The following IL1RAPL2 variants were observed in gnomAD, a reference collection of about 807,000 sequenced individuals.
IL1RAPL2 encodes X-linked interleukin-1 receptor accessory protein-like 2.
IL1RAPL2 carries 3 observed loss-of-function variants against 44.1 expected under a neutral mutation model. The ratio of observed to expected loss-of-function variants is 0.07; its 90% CI spans 0.03 to 0.18. The LOEUF (loss-of-function observed/expected upper bound fraction) is 0.18, where lower values mean the gene tolerates loss of function less well. Ranked by LOEUF, IL1RAPL2 falls within the 10% of genes least tolerant of loss-of-function variation. The pLI, the probability that IL1RAPL2 is intolerant of heterozygous loss-of-function variation, is 1.00. For synonymous variants in IL1RAPL2, 181 were observed against 178.8 expected (o/e 1.01, Z -0.10); for missense variants, 391 against 496.4 (o/e 0.79, Z 2.02).
At chrX:105,171,125 T>G (rs2033419582) in intron 2 of IL1RAPL2, among the ~76,000 whole-genome samples, 1 of 111,934 alleles carries the variant, frequency 8.9e-6, no homozygotes, top group African/African-American at 3.2e-5. Context: ...GCCCCACCTC[T>G]GCTAATAAAA....
rs192095146 is a variant in IL1RAPL2, at chrX:105,197,862, C to A, written c.356+2114C>A. Among the ~76,000 whole-genome samples, 408 of 110,521 alleles carry A rather than the reference C, an allele frequency of 3.7e-3. 4 individuals carry two copies. Among genetic ancestry groups the A allele is most frequent in the African/African-American group, 0.013 (385 of 30,370 alleles). ...TTGGTGTAAAGATTATTTTGTCACCCAGGTAATAAGCATAGTACCTGATAG... is the reference window on the plus strand; with the variant it reads ...TTGGTGTAAAGATTATTTTGTCACCAAGGTAATAAGCATAGTACCTGATAG... On this transcript the variant is annotated intron_variant, in intron 3 of 10. Transcript: ENST00000372582.
At chrX:105,719,013 C>T (rs1054649590) in intron 7 of IL1RAPL2, among the ~76,000 whole-genome samples, 9 of 111,194 alleles carry the variant, frequency 8.1e-5, no homozygotes, top group Non-Finnish European at 1.7e-4. Flanking sequence ...TGGGAAACCT[C>T]ATATACTGCT....
chrX:104,970,135 C>T (rs752871404), intron 2 of IL1RAPL2, among the ~76,000 whole-genome samples: 35 of 110,873 alleles, frequency 3.2e-4, no homozygotes, highest in Non-Finnish European at 6.0e-4. Context: ...AGAACTATAT[C>T]CTGGTTTGTG....
chrX:104,700,390 A>G (rs1931255235), intron 2 of IL1RAPL2, among the ~76,000 whole-genome samples: 3 of 111,477 alleles, frequency 2.7e-5, no homozygotes, highest in Admixed American at 9.5e-5. Context: ...CTAATTTTGT[A>G]CTTGGTATAG....
chrX:105,705,869 T>C (rs2038161810), intron 6 of IL1RAPL2, among the ~76,000 whole-genome samples: 1 of 111,629 alleles, frequency 9.0e-6, no homozygotes, highest in Admixed American at 9.6e-5. Context: ...GGCATGCTTA[T>C]GGAACAAAAT....
At chrX:104,958,458 G>C (rs41372050) in intron 2 of IL1RAPL2, among the ~76,000 whole-genome samples, 35,558 of 104,830 alleles carry the variant, frequency 0.34, 5,449 homozygotes, top group East Asian at 0.46. Flanking sequence ...TTGCTGCTTA[G>C]GTAATTCATG....
chrX:104,788,637 GAT>G (rs1487268729), intron 2 of IL1RAPL2, among the ~76,000 whole-genome samples: 3 of 111,588 alleles, frequency 2.7e-5, no homozygotes, highest in African/African-American at 9.8e-5. Context: ...TGAAGTTTCT[GAT>G]ATATCGAATC....
chrX:104,786,230 T>A (rs1395286281), intron 2 of IL1RAPL2, among the ~76,000 whole-genome samples: 1 of 111,440 alleles, frequency 9.0e-6, no homozygotes, highest in Non-Finnish European at 1.9e-5. Context: ...AAGATTGAGG[T>A]GGGACCAACA....
chrX:104,772,069 C>T (rs917037505), intron 2 of IL1RAPL2, among the ~76,000 whole-genome samples: 18 of 111,211 alleles, frequency 1.6e-4, no homozygotes, highest in African/African-American at 5.9e-4. Flanking sequence ...GTCTGGACCT[C>T]AGTTTCCCAT....
chrX:104,832,775 T>A (rs1921646171), intron 2 of IL1RAPL2, among the ~76,000 whole-genome samples: 1 of 111,587 alleles, frequency 9.0e-6, no homozygotes, highest in East Asian at 2.8e-4. Flanking sequence ...ATTTTCTTAT[T>A]ACCTCAGTCT....
chrX:105,722,219 A>G (rs549900525), intron 7 of IL1RAPL2, among the ~76,000 whole-genome samples: 7 of 111,987 alleles, frequency 6.3e-5, no homozygotes, highest in African/African-American at 1.9e-4. Context: ...ATGTAAATAT[A>G]TCTAAACAAA....
At chrX:105,037,668 A>G (rs925146749) in intron 2 of IL1RAPL2, among the ~76,000 whole-genome samples, 3 of 111,484 alleles carry the variant, frequency 2.7e-5, no homozygotes, top group African/African-American at 9.8e-5. Context: ...TAGCACTGTC[A>G]TTTGTCCTCT....
At chrX:105,116,339 A>T (rs1014262768) in intron 2 of IL1RAPL2, among the ~76,000 whole-genome samples, 2 of 113,124 alleles carry the variant, frequency 1.8e-5, no homozygotes, top group Non-Finnish European at 3.7e-5. Flanking sequence ...AGGTAATAAC[A>T]ATTAGCTTGC....
At chrX:104,914,326 C>T (rs763313217) in intron 2 of IL1RAPL2, among the ~76,000 whole-genome samples, 1 of 111,652 alleles carries the variant, frequency 9.0e-6, no homozygotes, top group Admixed American at 9.5e-5. Flanking sequence ...GAGTGCTGGT[C>T]AAATTTCTGA....
chrX:105,602,390 A>T (rs972163688), intron 6 of IL1RAPL2, among the ~76,000 whole-genome samples: 1 of 105,705 alleles, frequency 9.5e-6, no homozygotes, highest in African/African-American at 3.5e-5. Context: ...AACCAGTAAG[A>T]AAAAAAAAAA....
At chrX:104,958,342 T>C (rs754051259) in intron 2 of IL1RAPL2, among the ~76,000 whole-genome samples, 3 of 108,057 alleles carry the variant, frequency 2.8e-5, no homozygotes. Context: ...CAGAGTGTCA[T>C]TGAACCTGAC....
At chrX:104,621,979 G>T (rs1027459001) in intron 1 of IL1RAPL2, among the ~76,000 whole-genome samples, 6 of 110,758 alleles carry the variant, frequency 5.4e-5, no homozygotes, top group African/African-American at 2.0e-4. Context: ...AGACATTCTG[G>T]CTCAGAACCA....
At chrX:105,340,860 T>C (rs2147699251) in intron 5 of IL1RAPL2, among the ~76,000 whole-genome samples, 1 of 112,570 alleles carries the variant, frequency 8.9e-6, no homozygotes, top group African/African-American at 3.2e-5. Flanking sequence ...TAATTTTGCT[T>C]ACTGTTTATT....
chrX:105,141,453 T>A (rs1302852693), intron 2 of IL1RAPL2, among the ~76,000 whole-genome samples: 10 of 111,295 alleles, frequency 9.0e-5, no homozygotes, highest in Non-Finnish European at 7.5e-5. Flanking sequence ...TTACAATTTT[T>A]TATGTGTAGC....
Sources: gnomAD v4.1 joint callset for allele counts (sites outside exome capture counted in the v4.1 genomes callset) on GRCh38, gnomAD v4.1.1 for gene constraint, MANE v1.5 for transcripts, NCBI Gene and HGNC (gene_info 2026-07-23, HGNC 2026-07-21) for gene names.